Variants in GALNTL6 observed in about 807,000 individuals in gnomAD.
GALNTL6 encodes polypeptide N-acetylgalactosaminyltransferase-like 6.
A neutral mutation model predicts 73.7 loss-of-function variants in GALNTL6; 46 were observed. The ratio of observed to expected loss-of-function variants is 0.62; its 90% confidence interval spans 0.49 to 0.80. The LOEUF (loss-of-function observed/expected upper bound fraction) is 0.80. Ranked by LOEUF, GALNTL6 falls within the 30% of genes least tolerant of loss-of-function variation. The pLI, the probability that GALNTL6 is intolerant of heterozygous loss-of-function variation, is 0.00. For synonymous variants in GALNTL6, 259 were observed against 263.7 expected (o/e 0.98, Z 0.17); for missense variants, 604 against 755.0 (o/e 0.80, Z 2.34).
chr4:171,921,082 T>C (rs2110978684), intron 2 of GALNTL6, among the ~76,000 whole-genome samples: 1 of 152,230 alleles, frequency 6.6e-6, no homozygotes, highest in Admixed American at 6.5e-5. Context: ...AGGATACCAA[T>C]GTATGAAAAC....
intron 2 of GALNTL6, among the ~76,000 whole-genome samples, chr4:171,988,839 G>T (rs143435152): frequency 6.6e-6 from 1 of 152,032 alleles, no homozygotes; most frequent in South Asian, 2.1e-4. Context: ...ATGATCGGTC[G>T]CTAAGGAGGG....
At chr4:172,004,627 T>A (rs185406019) in intron 2 of GALNTL6, among the ~76,000 whole-genome samples, 37 of 152,244 alleles carry the variant, frequency 2.4e-4, no homozygotes, top group Middle Eastern at 3.4e-3. Flanking sequence ...GAGAAACAGA[T>A]GCATTCAGAT....
rs114818231 is a variant in GALNTL6, at chr4:172,632,822, C to T, written c.554-176539C>T. On this transcript the variant is annotated intron_variant, in intron 5 of 12. Coordinates refer to ENST00000506823, the MANE Select transcript of GALNTL6 (RefSeq NM_001034845.3). ...GGGCTGAGCCCAGGGACTCCTGCTC[C>T]ATGCAGCCTTGGGGCATGGTGCCCT... is the stretch of plus-strand genomic sequence containing the variant. Among the ~76,000 whole-genome samples, 163 of 152,324 alleles carry T rather than the reference C, an allele frequency of 1.1e-3. 2 individuals are homozygous for T. Among genetic ancestry groups the T allele is most frequent in the African/African-American group, 3.8e-3 (156 of 41,594 alleles).
At chr4:172,535,290 A>G (rs2110857950) in intron 5 of GALNTL6, among the ~76,000 whole-genome samples, 1 of 152,340 alleles carries the variant, frequency 6.6e-6, no homozygotes, top group African/African-American at 2.4e-5. Context: ...TCATCTTTGC[A>G]TTGGTAATAG....
At chr4:172,931,359 G>A (rs1183220481) in intron 9 of GALNTL6, 91 bp downstream of exon 9, 2 of 787,958 alleles carry the variant, frequency 2.5e-6, no homozygotes, top group Admixed American at 1.7e-5. Flanking sequence ...TCTGAGAAAA[G>A]CTCTCCAGTG....
At chr4:172,181,992 C>A (rs1735261355) in intron 2 of GALNTL6, among the ~76,000 whole-genome samples, 1 of 152,088 alleles carries the variant, frequency 6.6e-6, no homozygotes, top group East Asian at 1.9e-4. Flanking sequence ...GCTGGGATTA[C>A]AGGAGTGAGC....
chr4:173,020,534 T>C (rs368295189), intron 11 of GALNTL6, among the ~76,000 whole-genome samples: 2 of 152,214 alleles, frequency 1.3e-5, no homozygotes, highest in East Asian at 3.9e-4. Flanking sequence ...TTTCTTACTG[T>C]GAGTTACAGT....
chr4:171,900,788 T>C (rs1737067441), intron 2 of GALNTL6, among the ~76,000 whole-genome samples: 1 of 152,114 alleles, frequency 6.6e-6, no homozygotes, highest in African/African-American at 2.4e-5. Context: ...ACAAAAAACA[T>C]AGGAGGTTCA....
chr4:171,889,933 A>G (rs1736715002), intron 2 of GALNTL6, among the ~76,000 whole-genome samples: 1 of 152,176 alleles, frequency 6.6e-6, no homozygotes, highest in Non-Finnish European at 1.5e-5. Context: ...GAATAAATGT[A>G]CTAAAAGCTT....
At chr4:171,951,131 T>C (rs531965861) in intron 2 of GALNTL6, among the ~76,000 whole-genome samples, 21 of 152,058 alleles carry the variant, frequency 1.4e-4, no homozygotes, top group African/African-American at 4.3e-4. Context: ...GTGTTGTATA[T>C]GACAGATACA....
chr4:172,722,411 G>A (rs1260033992), intron 5 of GALNTL6, among the ~76,000 whole-genome samples: 1 of 152,016 alleles, frequency 6.6e-6, no homozygotes, highest in Non-Finnish European at 1.5e-5. Flanking sequence ...CAAATCTTTA[G>A]AATATTTTTT....
intron 2 of GALNTL6, among the ~76,000 whole-genome samples, chr4:172,172,808 C>T (rs949343313): frequency 6.6e-6 from 1 of 152,202 alleles, no homozygotes; most frequent in Non-Finnish European, 1.5e-5. Context: ...ACTACCCTGT[C>T]TGAGTACCCA....
intron 2 of GALNTL6, among the ~76,000 whole-genome samples, chr4:171,962,390 A>G (rs192456178): frequency 1.3e-5 from 2 of 152,272 alleles, no homozygotes; most frequent in Admixed American, 1.3e-4. Flanking sequence ...ATGGCTGATA[A>G]AACAGGATGC....
chr4:172,201,877 G>A (rs150899961), intron 2 of GALNTL6, among the ~76,000 whole-genome samples: 2 of 152,090 alleles, frequency 1.3e-5, no homozygotes, highest in African/African-American at 4.8e-5. Flanking sequence ...GAGGGGTATG[G>A]TAGGTTCTCA....
intron 5 of GALNTL6, among the ~76,000 whole-genome samples, chr4:172,624,110 A>G (rs1049985213): frequency 1.3e-5 from 2 of 152,144 alleles, no homozygotes; most frequent in South Asian, 2.1e-4. Flanking sequence ...GAATTTGCAT[A>G]TATCACTGTG....
At chr4:172,024,292 C>T (rs982971040) in intron 2 of GALNTL6, among the ~76,000 whole-genome samples, 1 of 151,602 alleles carries the variant, frequency 6.6e-6, no homozygotes, top group Non-Finnish European at 1.5e-5. Flanking sequence ...AAGAGTCATG[C>T]TTCATTCATC....
intron 2 of GALNTL6, among the ~76,000 whole-genome samples, chr4:172,215,593 T>C (rs1736470278): frequency 6.6e-6 from 1 of 152,158 alleles, no homozygotes; most frequent in Admixed American, 6.5e-5. Context: ...TTTACTTCTA[T>C]CCTATCCTAG....
At chr4:172,431,022 G>T (rs1731429752) in intron 5 of GALNTL6, among the ~76,000 whole-genome samples, 1 of 152,040 alleles carries the variant, frequency 6.6e-6, no homozygotes, top group Non-Finnish European at 1.5e-5. Flanking sequence ...CTTTCTTAAA[G>T]CTATTTTTTA....
chr4:171,996,490 G>C (rs980351300), intron 2 of GALNTL6, among the ~76,000 whole-genome samples: 2 of 151,938 alleles, frequency 1.3e-5, no homozygotes, highest in Non-Finnish European at 2.9e-5. Flanking sequence ...ATTTATAATA[G>C]CTTCTTAGTA....
Sources: gnomAD v4.1 joint callset for allele counts (sites outside exome capture counted in the v4.1 genomes callset) on GRCh38, gnomAD v4.1.1 for gene constraint, MANE v1.5 for transcripts, NCBI Gene and HGNC (gene_info 2026-07-23, HGNC 2026-07-21) for gene names.